Variants in ZNF385D observed in about 807,000 individuals in gnomAD.
ZNF385D encodes zinc finger protein 659.
Under a neutral mutation model 35.8 loss-of-function variants are expected in ZNF385D, and 15 were observed. That is an observed-to-expected ratio of 0.42 (90% CI 0.28 to 0.64). The LOEUF is 0.64. Among genes scored for constraint, ZNF385D ranks in the 30% least tolerant of loss-of-function variants. ZNF385D has a pLI of 0.23. For synonymous variants in ZNF385D, 212 were observed against 186.8 expected, an observed-to-expected ratio of 1.13 and a Z score of -1.10; for missense variants, 474 against 494.6, an observed-to-expected ratio of 0.96 and a Z score of 0.39.
chr3:21,703,652 T>C (rs2067779310), intron 1 of ZNF385D, among the ~76,000 whole-genome samples: 1 of 110,114 alleles, frequency 9.1e-6, no homozygotes, highest in Non-Finnish European at 2.1e-5. Flanking sequence ...GCTCATGCTC[T>C]TTATCCTCTT....
intron 2 of ZNF385D, among the ~76,000 whole-genome samples, chr3:22,192,788 G>T (rs904699884): frequency 6.6e-6 from 1 of 152,146 alleles, no homozygotes; most frequent in South Asian, 2.1e-4. Context: ...GATGGGGGTG[G>T]AATTCTGCCT....
At chr3:21,609,160 G>A (rs1013605512) in intron 2 of ZNF385D, among the ~76,000 whole-genome samples, 2 of 152,142 alleles carry the variant, frequency 1.3e-5, no homozygotes, top group African/African-American at 2.4e-5. Flanking sequence ...GAACACGAGA[G>A]TAAGAGTAAA....
At chr3:22,138,008 C>G (rs986502414) in intron 3 of ZNF385D, among the ~76,000 whole-genome samples, 3 of 152,134 alleles carry the variant, frequency 2.0e-5, no homozygotes, top group African/African-American at 7.2e-5. Flanking sequence ...AAATCATAAG[C>G]AATCGTATAC....
At chr3:22,155,413 T>C (rs568637247) in intron 3 of ZNF385D, among the ~76,000 whole-genome samples, 40 of 152,148 alleles carry the variant, frequency 2.6e-4, no homozygotes, top group Middle Eastern at 3.4e-3. Flanking sequence ...AAGAGATTTC[T>C]TAAGGAAATT....
chr3:21,485,143 C>G (rs1340608359), intron 4 of ZNF385D, among the ~76,000 whole-genome samples: 1 of 152,152 alleles, frequency 6.6e-6, no homozygotes, highest in South Asian at 2.1e-4. Context: ...CAGAAACTTT[C>G]CATGTCCTAA....
intron 3 of ZNF385D, among the ~76,000 whole-genome samples, chr3:21,953,108 T>C (rs1702137401): frequency 6.6e-6 from 1 of 151,994 alleles, no homozygotes; most frequent in Non-Finnish European, 1.5e-5. Context: ...TACTCTACAG[T>C]ATTATCTTCT....
intron 3 of ZNF385D, among the ~76,000 whole-genome samples, chr3:22,091,963 G>C (rs1371480905): frequency 6.6e-6 from 1 of 152,058 alleles, no homozygotes; most frequent in East Asian, 1.9e-4. Context: ...ATGACTGTTG[G>C]GACTGTGTCA....
intron 3 of ZNF385D, among the ~76,000 whole-genome samples, chr3:21,809,966 A>C (rs1391341776): frequency 6.6e-6 from 1 of 152,172 alleles, no homozygotes; most frequent in Non-Finnish European, 1.5e-5. Context: ...AAACATTTCA[A>C]GAAAAATTTA....
rs1023521822 is a variant in ZNF385D, at chr3:21,412,626, T to C, written c.*8588A>G. 2.0e-5 allele frequency: 3 copies of C among 152,118 alleles called. No homozygotes were observed. The highest frequency in any genetic ancestry group is 7.2e-5 in the African/African-American group (3 of 41,426). 9.4% of individuals were successfully genotyped at this position (152,118 alleles called of 1,614,324 possible). A position where few individuals can be genotyped will look rare whatever the true frequency, so the allele number is the denominator to read the frequency against. On this transcript the variant is annotated 3_prime_UTR_variant, in exon 8 of 8. Coordinates refer to ENST00000281523, the MANE Select transcript of ZNF385D (RefSeq NM_024697.3). Reference sequence around the variant, plus strand: ...ATTACATTTACCTGGACAATTTTGATATTGTCAAAGAGAGAGGATATAATG... The same window carrying C: ...ATTACATTTACCTGGACAATTTTGACATTGTCAAAGAGAGAGGATATAATG...
chr3:21,644,733 GA>G (rs981852554), intron 2 of ZNF385D, among the ~76,000 whole-genome samples: 3 of 151,670 alleles, frequency 2.0e-5, no homozygotes, highest in Non-Finnish European at 2.9e-5. Flanking sequence ...TCGGTTTGAA[GA>G]AAAAAAAGTA....
chr3:21,429,103 A>G (rs1401195435), intron 5 of ZNF385D, among the ~76,000 whole-genome samples: 1 of 151,874 alleles, frequency 6.6e-6, no homozygotes, highest in Non-Finnish European at 1.5e-5. Context: ...TGGTACTGGC[A>G]TAAAGGAAAG....
At chr3:21,606,971 G>A (rs1052303776) in intron 2 of ZNF385D, among the ~76,000 whole-genome samples, 8 of 152,128 alleles carry the variant, frequency 5.3e-5, no homozygotes, top group African/African-American at 1.9e-4. Context: ...CCTCTCTTGT[G>A]TACTCACAGC....
intron 3 of ZNF385D, among the ~76,000 whole-genome samples, chr3:21,770,721 C>T (rs1330786260): frequency 6.6e-6 from 1 of 152,140 alleles, no homozygotes; most frequent in African/African-American, 2.4e-5. Flanking sequence ...CCATTTGACC[C>T]AGCCATCCCA....
chr3:22,138,776 G>A (rs1273961415), intron 3 of ZNF385D, among the ~76,000 whole-genome samples: 4 of 151,422 alleles, frequency 2.6e-5, no homozygotes, highest in African/African-American at 7.3e-5. Context: ...TCATGTCTAA[G>A]ACACCAAAAG....
rs1329873704 is a variant in ZNF385D, at chr3:21,751,008, C to T, written c.-92G>A. 3.1e-6 allele frequency: 5 copies of T among 1,608,486 alleles called. No individual in the cohort carries two copies. Among genetic ancestry groups the T allele is most frequent in the African/African-American group, 2.7e-5 (2 of 74,826 alleles). ...GAGCAGAGCCCTTTCATGCTACATT[C>T]GGTGGAAATGTCCCCGGCGTGGAGA... On this transcript the variant is annotated 5_prime_UTR_variant, in exon 1 of 8. Transcript: ENST00000281523.
intron 3 of ZNF385D, among the ~76,000 whole-genome samples, chr3:21,900,289 G>A (rs1393631380): frequency 2.0e-5 from 3 of 152,216 alleles, no homozygotes; most frequent in East Asian, 3.9e-4. Flanking sequence ...GGATAACAGA[G>A]TCAAATGTGA....
chr3:22,043,486 A>G (rs1372047866), intron 3 of ZNF385D, among the ~76,000 whole-genome samples: 3 of 152,214 alleles, frequency 2.0e-5, no homozygotes, highest in Admixed American at 6.5e-5. Context: ...TTATTTATGT[A>G]AACATATTTA....
At chr3:21,889,036 G>A (rs1698699910) in intron 3 of ZNF385D, among the ~76,000 whole-genome samples, 1 of 152,200 alleles carries the variant, frequency 6.6e-6, no homozygotes, top group Non-Finnish European at 1.5e-5. Context: ...TGTGGGGAGT[G>A]CCCTTGACAT....
At chr3:22,284,275 G>T (rs1701915078) in intron 2 of ZNF385D, among the ~76,000 whole-genome samples, 1 of 152,022 alleles carries the variant, frequency 6.6e-6, no homozygotes, top group African/African-American at 2.4e-5. Flanking sequence ...TGCAACCTTT[G>T]CCTCCCAGGT....
Sources: gnomAD v4.1 joint callset for allele counts (sites outside exome capture counted in the v4.1 genomes callset) on GRCh38, gnomAD v4.1.1 for gene constraint, MANE v1.5 for transcripts, NCBI Gene and HGNC (gene_info 2026-07-23, HGNC 2026-07-21) for gene names.